Variants in SNAP91 observed in about 807,000 individuals in gnomAD.
SNAP91 encodes clathrin coat assembly protein AP180.
A neutral mutation model predicts 100.3 loss-of-function variants in SNAP91; 27 were observed. The ratio of observed to expected loss-of-function variants is 0.27; its 90% CI spans 0.20 to 0.37. The LOEUF is 0.37. Among genes scored for constraint, SNAP91 ranks in the 10% least tolerant of loss-of-function variants. The pLI is 1.00. For missense variants in SNAP91, 986 were observed against 1,123.7 expected, an observed-to-expected ratio of 0.88 and a Z score of 1.75; for synonymous variants, 404 against 398.6, an observed-to-expected ratio of 1.01 and a Z score of -0.16.
intron 2 of SNAP91, among the ~76,000 whole-genome samples, chr6:83,683,394 G>A (rs1309831333): frequency 6.6e-6 from 1 of 152,146 alleles, no homozygotes; most frequent in Admixed American, 6.6e-5. Context: ...GATCACTCGT[G>A]AATGGTTTGG....
intron 2 of SNAP91, among the ~76,000 whole-genome samples, chr6:83,698,332 A>G (rs894184603): frequency 2.0e-5 from 3 of 151,600 alleles, no homozygotes; most frequent in African/African-American, 7.3e-5. Context: ...AGGCCAAAAA[A>G]AAAAAAAAAA....
intron 2 of SNAP91, among the ~76,000 whole-genome samples, chr6:83,666,482 C>A (rs1191137581): frequency 6.6e-6 from 1 of 152,084 alleles, no homozygotes; most frequent in Admixed American, 6.6e-5. Flanking sequence ...GCATGTGATA[C>A]CCAGTTCCTA....
chr6:83,665,405 C>A (rs1340681847), intron 3 of SNAP91, 34 bp downstream of exon 3: 2 of 1,597,198 alleles, frequency 1.3e-6, no homozygotes, highest in East Asian at 4.5e-5. Context: ...AGCCTCCTTC[C>A]TCCATCAAAA....
chr6:83,597,087 TTCTTC>T lies in SNAP91; in HGVS notation c.1325-2611_1325-2607del, dbSNP rs2094555400. ...TTGTCAGCAAGATATCTCCTTTTAA[TTCTTC>T]TCTTGTTACTTGAAACTAAATATTA... On this transcript the variant is annotated intron_variant, in intron 16 of 29. Transcript: ENST00000369694. 2.0e-5 allele frequency among the ~76,000 whole-genome samples: 3 copies of T among 152,200 alleles called. No homozygotes were observed. In the South Asian group the frequency reaches 6.2e-4, roughly 31 times the overall value.
In SNAP91 at chr6:83,645,537, C is replaced by T. The variant is rs763568805; in HGVS notation, c.659-4335G>A. ...ATGAATCCACCATTTTAGTATCATACGGAGTATTTTCACTGTCCTAAAAAT... is the reference window on the plus strand; with the variant it reads ...ATGAATCCACCATTTTAGTATCATATGGAGTATTTTCACTGTCCTAAAAAT... On this transcript the variant is annotated intron_variant, in intron 7 of 29. Transcript: ENST00000369694. Among the ~76,000 whole-genome samples the T allele has an allele frequency of 4.6e-5, 7 of 152,094 alleles. No individual in the cohort carries two copies. The East Asian group carries it at 7.7e-4, about 17-fold the overall frequency.
chr6:83,578,266 T>C (rs908814825), intron 24 of SNAP91, among the ~76,000 whole-genome samples: 1 of 152,146 alleles, frequency 6.6e-6, no homozygotes, highest in Non-Finnish European at 1.5e-5. Flanking sequence ...CGATAATCTA[T>C]GTTTAACATT....
chr6:83,565,939 A>G (rs1795952075), intron 26 of SNAP91, among the ~76,000 whole-genome samples: 2 of 152,164 alleles, frequency 1.3e-5, no homozygotes, highest in African/African-American at 4.8e-5. Context: ...CACATGACCC[A>G]GAGTTCTATT....
In SNAP91 at chr6:83,631,749, G is replaced by C. The variant is rs191897760; in HGVS notation, c.766-8407C>G. ...TCTTTATGTGTTAGGTGAGTCTCTC[G>C]AAGGCAGCAGGTAGTTGGCTGGTGA... is the stretch of plus-strand genomic sequence containing the variant. On this transcript the variant is annotated intron_variant, in intron 8 of 29. Transcript: ENST00000369694. Among the ~76,000 whole-genome samples, 23 of 152,042 alleles carry C rather than the reference G, an allele frequency of 1.5e-4. No individual in the cohort carries two copies. The South Asian group carries it at 4.6e-3, about 30-fold the overall frequency.
intron 29 of SNAP91, among the ~76,000 whole-genome samples, chr6:83,555,605 C>T (rs1776643550): frequency 6.6e-6 from 1 of 152,090 alleles, no homozygotes; most frequent in South Asian, 2.1e-4. Context: ...CCTTCCATAA[C>T]TTCAGCATGA....
intron 10 of SNAP91, 94 bp downstream of exon 10, chr6:83,616,875 T>A (rs1025246067): frequency 4.5e-5 from 37 of 829,870 alleles, no homozygotes; most frequent in Non-Finnish European, 6.6e-5. Context: ...ACCCTAAAAC[T>A]AGAGCAATAT....
Position 83,708,290 on chromosome 6 carries a change from G to T in SNAP91, c.-30-333C>A, listed in dbSNP as rs183780167. ...GCACTTTCCCCGCAACCTGACCCGC[G>T]GGTGCTGGACTAGCCACAACGTGCG... On this transcript the variant is annotated intron_variant, in intron 1 of 29. Transcript: ENST00000369694. The T allele has an allele frequency of 2.5e-3, 559 of 223,716 alleles. 1 individual carries two copies. The highest frequency in any genetic ancestry group is 4.0e-3 in the Non-Finnish European group (465 of 116,406). The allele number at this position is 223,716 out of a possible 1,614,324, so 13.9% of individuals were successfully genotyped here.
intron 24 of SNAP91, among the ~76,000 whole-genome samples, chr6:83,579,873 G>A (rs376832446): frequency 4.6e-5 from 7 of 152,002 alleles, no homozygotes; most frequent in African/African-American, 1.5e-4. Flanking sequence ...GCTCTCCTTT[G>A]TCTGTTCTGT....
intron 8 of SNAP91, among the ~76,000 whole-genome samples, chr6:83,623,674 T>C (rs2096821463): frequency 6.6e-6 from 1 of 152,092 alleles, no homozygotes; most frequent in South Asian, 2.1e-4. Context: ...CTAAATTTAG[T>C]AGTTAATTAT....
intron 2 of SNAP91, among the ~76,000 whole-genome samples, chr6:83,699,520 A>G (rs781536857): frequency 4.6e-5 from 7 of 152,196 alleles, no homozygotes; most frequent in African/African-American, 9.6e-5. Flanking sequence ...AAAATACAAA[A>G]GGTATATTTA....
At chr6:83,567,354 C>T (rs764380265) in intron 26 of SNAP91, among the ~76,000 whole-genome samples, 75 of 152,264 alleles carry the variant, frequency 4.9e-4, no homozygotes, top group Non-Finnish European at 6.8e-4. Flanking sequence ...GGTCTTAATT[C>T]AAGATGGATT....
intron 2 of SNAP91, among the ~76,000 whole-genome samples, chr6:83,687,982 G>A (rs947382380): frequency 1.3e-5 from 2 of 152,048 alleles, no homozygotes; most frequent in Non-Finnish European, 2.9e-5. Context: ...TGGAAGACAC[G>A]GGTTCAATCC....
chr6:83,557,822 AAT>A (rs1372711103), intron 28 of SNAP91, among the ~76,000 whole-genome samples: 1 of 152,146 alleles, frequency 6.6e-6, no homozygotes, highest in African/African-American at 2.4e-5. Flanking sequence ...GTGAGATGAC[AAT>A]ATCATGATAC....
At chr6:83,658,645 A>G (rs1282504367) in intron 6 of SNAP91, among the ~76,000 whole-genome samples, 1 of 152,130 alleles carries the variant, frequency 6.6e-6, no homozygotes, top group Middle Eastern at 3.2e-3. Context: ...ATAAAATAAA[A>G]AATAAAAAAG....
chr6:83,666,503 T>G (rs184130119), intron 2 of SNAP91, among the ~76,000 whole-genome samples: 47 of 152,244 alleles, frequency 3.1e-4, no homozygotes, highest in Admixed American at 4.6e-4. Flanking sequence ...GGCAATCCCA[T>G]GCAACAAACA....
Sources: gnomAD v4.1 joint callset for allele counts (sites outside exome capture counted in the v4.1 genomes callset) on GRCh38, gnomAD v4.1.1 for gene constraint, MANE v1.5 for transcripts, NCBI Gene and HGNC (gene_info 2026-07-23, HGNC 2026-07-21) for gene names.